ADGRL2: variants seen among roughly 807,000 people sequenced by gnomAD.
ADGRL2 encodes adhesion G protein-coupled receptor L2.
In ADGRL2, 44 loss-of-function variants were observed where a neutral mutation model predicts 157.4. The ratio of observed to expected loss-of-function variants is 0.28; its 90% confidence interval spans 0.22 to 0.36. The LOEUF (loss-of-function observed/expected upper bound fraction) is 0.36, where lower values mean the gene tolerates loss of function less well. Among genes scored for constraint, ADGRL2 ranks in the 10% least tolerant of loss-of-function variants. The pLI, the probability that ADGRL2 is intolerant of heterozygous loss-of-function variation, is 1.00. For synonymous variants in ADGRL2, 585 were observed against 624.7 expected, an observed-to-expected ratio of 0.94 and a Z score of 0.95; for missense variants, 1,510 against 1,768.9, an observed-to-expected ratio of 0.85 and a Z score of 2.63.
intron 1 of ADGRL2, among the ~76,000 whole-genome samples, chr1:81,426,023 C>T (rs2077208160): frequency 1.3e-5 from 2 of 152,126 alleles, no homozygotes; most frequent in Non-Finnish European, 2.9e-5. Context: ...TGCACCACCA[C>T]ACCCAGCCAA....
At chr1:81,594,762 A>G (rs114540856) in intron 3 of ADGRL2, among the ~76,000 whole-genome samples, 299 of 152,310 alleles carry the variant, frequency 2.0e-3, no homozygotes, top group African/African-American at 7.0e-3. Context: ...AATATTTAAA[A>G]CTTGGTAAGC....
chr1:81,617,954 A>T (rs2081698513), intron 3 of ADGRL2, among the ~76,000 whole-genome samples: 1 of 152,130 alleles, frequency 6.6e-6, no homozygotes, highest in Non-Finnish European at 1.5e-5. Context: ...CCAGGGCATA[A>T]CCTTAGATGG....
intron 1 of ADGRL2, among the ~76,000 whole-genome samples, chr1:81,359,303 A>G (rs971706430): frequency 2.0e-5 from 3 of 152,110 alleles, no homozygotes; most frequent in Non-Finnish European, 4.4e-5. Context: ...GCATTCTGCT[A>G]CAGGGTCAAC....
chr1:81,525,620 T>C (rs534090756), intron 2 of ADGRL2, among the ~76,000 whole-genome samples: 25 of 152,204 alleles, frequency 1.6e-4, no homozygotes, highest in Non-Finnish European at 2.9e-4. Flanking sequence ...ACCCTGCCTA[T>C]AAAGTGTACT....
chr1:81,552,391 T>G (rs979052240), intron 2 of ADGRL2, among the ~76,000 whole-genome samples: 1 of 152,078 alleles, frequency 6.6e-6, no homozygotes, highest in Non-Finnish European at 1.5e-5. Context: ...TGACCTCTCT[T>G]TCTTGCTCTA....
In ADGRL2 at chr1:81,836,892, G is replaced by A. The variant is rs2092313440; in HGVS notation, c.-93G>A. 9 of 702,558 alleles carry A rather than the reference G, an allele frequency of 1.3e-5. No individual in the cohort carries two copies. The highest frequency in any genetic ancestry group is 3.8e-5 in the African/African-American group (2 of 53,160). The allele number at this position is 702,558 out of a possible 1,614,324, so 43.5% of individuals were successfully genotyped here. The stretch of plus-strand genomic sequence containing the variant: ...GATTTGTTTGTTTTTCAGATATGAA[G>A]ATCAATGATGCAGACTGATGGTTTT... On this transcript the variant is annotated 5_prime_UTR_variant, in exon 2 of 24. Coordinates refer to ENST00000686636, the MANE Select transcript of ADGRL2 (RefSeq NM_001366006.2).
chr1:81,639,380 C>A (rs925610400), intron 3 of ADGRL2, among the ~76,000 whole-genome samples: 2 of 151,866 alleles, frequency 1.3e-5, no homozygotes, highest in African/African-American at 4.8e-5. Flanking sequence ...CAGAAAGTTC[C>A]TTTAAATATA....
Position 81,490,149 on chromosome 1 carries a change from G to A in ADGRL2, c.-248+45060G>A, listed in dbSNP as rs373525214. Among the ~76,000 whole-genome samples the A allele has an allele frequency of 5.3e-4, 65 of 121,558 alleles. No individual in the cohort carries two copies. In the East Asian group the frequency reaches 0.012, roughly 23 times the overall value. 79.7% of individuals were successfully genotyped at this position (121,558 alleles called of 152,430 possible). A position where few individuals can be genotyped will look rare whatever the true frequency, so the allele number is the denominator to read the frequency against. On this transcript the variant is annotated intron_variant, in intron 2 of 24. Transcript: ENST00000370721. ...CATATTCTTTTTTTTTTTTTTTTTC[G>A]AGACAGAGTTTCGCTCTTGTTGCCC...
intron 1 of ADGRL2, among the ~76,000 whole-genome samples, chr1:81,735,908 G>A (rs1478458976): frequency 6.6e-6 from 1 of 152,160 alleles, no homozygotes; most frequent in African/African-American, 2.4e-5. Flanking sequence ...ACTTTGGGAG[G>A]CCGAGGTGGG....
intron 2 of ADGRL2, among the ~76,000 whole-genome samples, chr1:81,526,733 TA>T (rs1451825570): frequency 3.3e-5 from 5 of 152,250 alleles, no homozygotes; most frequent in Non-Finnish European, 5.9e-5. Context: ...CCTACCTTGC[TA>T]TTACCTGTGT....
At chr1:81,386,025 C>T (rs1391903796) in intron 1 of ADGRL2, among the ~76,000 whole-genome samples, 1 of 152,070 alleles carries the variant, frequency 6.6e-6, no homozygotes, top group African/African-American at 2.4e-5. Flanking sequence ...AAAAAAATGG[C>T]TTCAGCGCAA....
rs953845993 is a variant in ADGRL2, at chr1:81,380,679, A to G, written c.-301-64357A>G. 2.0e-5 allele frequency among the ~76,000 whole-genome samples: 3 copies of G among 152,190 alleles called. No homozygotes were observed. In the South Asian group the frequency reaches 6.2e-4, roughly 32 times the overall value. ...CTTTAACATACATGGAATTTTTACAAATAATAACATCTATTGCTAAGCTAT... is the reference window on the plus strand; with the variant it reads ...CTTTAACATACATGGAATTTTTACAGATAATAACATCTATTGCTAAGCTAT... On this transcript the variant is annotated intron_variant, in intron 1 of 24. Transcript: ENST00000370721.
intron 3 of ADGRL2, among the ~76,000 whole-genome samples, chr1:81,646,692 G>C (rs767293875): frequency 6.6e-6 from 1 of 152,104 alleles, no homozygotes; most frequent in Non-Finnish European, 1.5e-5. Flanking sequence ...CCAGTCAGTA[G>C]GTCCTTTTTT....
intron 1 of ADGRL2, among the ~76,000 whole-genome samples, chr1:81,340,027 C>G (rs1661952463): frequency 6.6e-6 from 1 of 152,066 alleles, no homozygotes; most frequent in Admixed American, 6.5e-5. Flanking sequence ...ATTTTGGTAT[C>G]CTAGTTTCTG....
At chr1:81,461,940 G>T (rs1018130643) in intron 2 of ADGRL2, among the ~76,000 whole-genome samples, 5 of 145,210 alleles carry the variant, frequency 3.4e-5, no homozygotes, top group Admixed American at 1.4e-4. Flanking sequence ...AGGGGGGGGG[G>T]GGTGGTGGAG....
At chr1:81,926,061 G>C (rs1053300920) in intron 3 of ADGRL2, among the ~76,000 whole-genome samples, 1 of 151,836 alleles carries the variant, frequency 6.6e-6, no homozygotes, top group African/African-American at 2.4e-5. Context: ...TCCTCTGAGC[G>C]GGTAATTAAC....
chr1:81,468,112 A>C (rs557936481), intron 2 of ADGRL2, among the ~76,000 whole-genome samples: 1 of 152,330 alleles, frequency 6.6e-6, no homozygotes, highest in South Asian at 2.1e-4. Flanking sequence ...GAAACAAATA[A>C]GTATTGTTTT....
intron 1 of ADGRL2, among the ~76,000 whole-genome samples, chr1:81,343,120 A>C (rs1208616771): frequency 9.0e-6 from 1 of 111,586 alleles, no homozygotes; most frequent in African/African-American, 3.7e-5. Flanking sequence ...ACAGAATCTC[A>C]CTCTGCTGCC....
chr1:81,430,464 G>T (rs2077299745), intron 1 of ADGRL2, among the ~76,000 whole-genome samples: 1 of 152,122 alleles, frequency 6.6e-6, no homozygotes, highest in Non-Finnish European at 1.5e-5. Flanking sequence ...TTGACCTGGT[G>T]CTAAGGCAAT....
Sources: gnomAD v4.1 joint callset for allele counts (sites outside exome capture counted in the v4.1 genomes callset) on GRCh38, gnomAD v4.1.1 for gene constraint, MANE v1.5 for transcripts, NCBI Gene and HGNC (gene_info 2026-07-23, HGNC 2026-07-21) for gene names.